FAM120B: variants seen among roughly 807,000 people sequenced by gnomAD.
FAM120B encodes constitutive coactivator of peroxisome proliferator-activated receptor gamma.
A neutral mutation model predicts 96.3 loss-of-function variants in FAM120B; 83 were observed. That is an observed-to-expected ratio of 0.86 (90% CI 0.72 to 1.03). The LOEUF is 1.03. Among genes scored for constraint, FAM120B ranks in the 50% least tolerant of loss-of-function variants. FAM120B has a pLI of 0.00. For missense variants in FAM120B, 1,027 were observed against 1,121.2 expected (o/e 0.92, Z 1.20); for synonymous variants, 407 against 402.7 (o/e 1.01, Z -0.13).
intron 4 of FAM120B, among the ~76,000 whole-genome samples, chr6:170,337,942 GTCTA>G (rs1461282964): frequency 2.0e-5 from 3 of 151,942 alleles, no homozygotes; most frequent in Admixed American, 1.3e-4. Context: ...CTGACTAGCA[GTCTA>G]TCTATTTTGT....
At chr6:170,346,722 T>C (rs1054327413) in intron 4 of FAM120B, among the ~76,000 whole-genome samples, 1 of 152,168 alleles carries the variant, frequency 6.6e-6, no homozygotes, top group Non-Finnish European at 1.5e-5. Context: ...TTTGGTTTTT[T>C]TTTTTCAACC....
chr6:170,345,103 A>G (rs1247432404), intron 4 of FAM120B, among the ~76,000 whole-genome samples: 2 of 152,200 alleles, frequency 1.3e-5, no homozygotes, highest in Admixed American at 6.5e-5. Context: ...GGTGCCTGGC[A>G]TGTGATTGGT....
At chr6:170,381,614 AC>A (rs1789906094) in intron 6 of FAM120B, among the ~76,000 whole-genome samples, 1 of 152,212 alleles carries the variant, frequency 6.6e-6, no homozygotes, top group African/African-American at 2.4e-5. Context: ...GAATGTAGGT[AC>A]AAAAATCTTG....
intron 9 of FAM120B, among the ~76,000 whole-genome samples, chr6:170,396,431 A>G (rs533230955): frequency 2.6e-5 from 4 of 152,378 alleles, no homozygotes; most frequent in African/African-American, 9.6e-5. Flanking sequence ...TGCTGACTGT[A>G]GATGAGAATT....
upstream of FAM120B, among the ~76,000 whole-genome samples, chr6:170,301,905 C>T (rs1784149438): frequency 6.6e-6 from 1 of 152,166 alleles, no homozygotes; most frequent in African/African-American, 2.4e-5. Flanking sequence ...TCTTCTGAGC[C>T]CTCCAAGTCT....
chr6:170,349,263 A>G (rs1412300700), intron 5 of FAM120B, among the ~76,000 whole-genome samples: 2 of 152,194 alleles, frequency 1.3e-5, no homozygotes, highest in Admixed American at 1.3e-4. Context: ...CCTTCAAGCC[A>G]TCGTCTCAGC....
At chr6:170,346,062 G>A (rs935024320) in intron 4 of FAM120B, among the ~76,000 whole-genome samples, 4 of 152,166 alleles carry the variant, frequency 2.6e-5, no homozygotes, top group African/African-American at 7.2e-5. Context: ...ACATAGAAAA[G>A]GTAGAGTAAA....
intron 9 of FAM120B, 58 bp from the exon 10 acceptor site, chr6:170,404,492 G>A (rs1328029783): frequency 2.1e-6 from 3 of 1,452,486 alleles, no homozygotes; most frequent in Admixed American, 3.4e-5. Flanking sequence ...CAGCATTCTT[G>A]TTTGTGTATT....
chr6:170,393,365 G>A (rs1365150882), intron 8 of FAM120B, among the ~76,000 whole-genome samples: 1 of 152,128 alleles, frequency 6.6e-6, no homozygotes, highest in African/African-American at 2.4e-5. Flanking sequence ...TTTATTTTGA[G>A]CACTAAAGAT....
At chr6:170,335,762 G>A (rs922978647) in intron 4 of FAM120B, among the ~76,000 whole-genome samples, 1 of 152,290 alleles carries the variant, frequency 6.6e-6, no homozygotes, top group African/African-American at 2.4e-5. Context: ...GGCATGAAAT[G>A]GTATCTCATT....
Position 170,318,878 on chromosome 6 carries a change from A to G in FAM120B, c.1488A>G (p.Glu496=). The G allele has an allele frequency of 6.2e-7, 1 of 1,614,216 alleles. No homozygotes were observed. Among genetic ancestry groups the G allele is most frequent in the Non-Finnish European group, 8.5e-7 (1 of 1,180,048 alleles). Reference sequence around the variant, plus strand: ...GGACAGACCCTGAATCTAGGCAAGAAATTATGTGTACAGGCCATGAATCCA... The same window carrying G: ...GGACAGACCCTGAATCTAGGCAAGAGATTATGTGTACAGGCCATGAATCCA... The part of the protein sequence containing the change: ...LIRTDPESRQ[E]IMCTGHESKQ... The change falls in exon 2 of 11, where the codon GAA becomes GAG. Residue 496 remains glutamate (E), a synonymous_variant. Coordinates refer to ENST00000476287, the MANE Select transcript of FAM120B (RefSeq NM_032448.3).
chr6:170,352,890 G>A (rs901190647), intron 5 of FAM120B, among the ~76,000 whole-genome samples: 5 of 151,922 alleles, frequency 3.3e-5, no homozygotes, highest in African/African-American at 7.3e-5. Context: ...CAAGATCAGA[G>A]CTGAACTGAA....
chr6:170,333,496 A>T (rs528015331), intron 4 of FAM120B, among the ~76,000 whole-genome samples: 2 of 150,786 alleles, frequency 1.3e-5, no homozygotes, highest in African/African-American at 4.9e-5. Context: ...ATTTACATGC[A>T]TATATTTCTG....
upstream of FAM120B, among the ~76,000 whole-genome samples, chr6:170,303,317 G>A (rs1784181485): frequency 6.6e-6 from 1 of 152,148 alleles, no homozygotes; most frequent in Admixed American, 6.5e-5. Context: ...CCAGCTCACT[G>A]CAGACTGAAA....
intron 4 of FAM120B, among the ~76,000 whole-genome samples, chr6:170,331,432 G>A (rs112839037): frequency 1.2e-4 from 18 of 152,306 alleles, no homozygotes; most frequent in African/African-American, 4.1e-4. Flanking sequence ...ATTGTATTGA[G>A]AGAGAAGTTG....
chr6:170,323,303 T>C (rs755245967), intron 3 of FAM120B, 44 bp downstream of exon 3: 34 of 1,533,694 alleles, frequency 2.2e-5, no homozygotes, highest in Non-Finnish European at 8.8e-7. Context: ...CTATTTGGAG[T>C]TGAGTTCTGA....
At chr6:170,365,176 G>A (rs1464444220) in intron 6 of FAM120B, among the ~76,000 whole-genome samples, 2 of 152,188 alleles carry the variant, frequency 1.3e-5, no homozygotes, top group African/African-American at 4.8e-5. Context: ...AATTGAATAC[G>A]TATTTGTGTG....
chr6:170,356,731 C>T (rs1371727378), intron 5 of FAM120B, among the ~76,000 whole-genome samples: 1 of 152,104 alleles, frequency 6.6e-6, no homozygotes, highest in Non-Finnish European at 1.5e-5. Context: ...ATAAGTGAAC[C>T]CATGCAATTC....
At chr6:170,340,447 G>A (rs1190105042) in intron 4 of FAM120B, among the ~76,000 whole-genome samples, 1 of 152,160 alleles carries the variant, frequency 6.6e-6, no homozygotes, top group Non-Finnish European at 1.5e-5. Context: ...TGCTCCTTTA[G>A]CTCAGAGGAG....
Sources: allele counts gnomAD v4.1 joint callset (sites outside exome capture counted in the v4.1 genomes callset), GRCh38; gene constraint gnomAD v4.1.1; transcripts MANE v1.5; gene names NCBI Gene and HGNC (gene_info 2026-07-23, HGNC 2026-07-21).